The following RBM26 variants were observed in gnomAD, a reference collection of about 807,000 sequenced individuals.
RBM26 encodes RNA-binding protein 26.
Under a neutral mutation model 123.6 loss-of-function variants are expected in RBM26, and 30 were observed. The ratio of observed to expected loss-of-function variants is 0.24; its 90% CI spans 0.18 to 0.33. The LOEUF is 0.33. RBM26 is among the 10% of genes least tolerant of loss of function. The probability of loss-of-function intolerance (pLI) is 1.00; values close to 1 mark genes in which losing one functional copy is unlikely to be tolerated. For missense variants in RBM26, 947 were observed against 1,203.6 expected, an observed-to-expected ratio of 0.79 and a Z score of 3.15; for synonymous variants, 400 against 404.4, an observed-to-expected ratio of 0.99 and a Z score of 0.13.
At chr13:79,320,907 T>G (rs2067592761) in intron 21 of RBM26, among the ~76,000 whole-genome samples, 197 bp from the exon 22 acceptor site, 1 of 151,350 alleles carries the variant, frequency 6.6e-6, no homozygotes, top group Non-Finnish European at 1.5e-5. Flanking sequence ...TTCTATTGCT[T>G]GCATGAAACA....
chr13:79,396,025 G>A (rs2078530509), intron 1 of RBM26, among the ~76,000 whole-genome samples: 1 of 152,080 alleles, frequency 6.6e-6, no homozygotes, highest in South Asian at 2.1e-4. Context: ...AACACAGACA[G>A]ACAAGCCTAT....
exon 5 of RBM26, chr13:79,311,876 TAAAC>T (rs1175702357): frequency 5.9e-5 from 9 of 151,994 alleles, no homozygotes; most frequent in South Asian, 2.1e-4. Flanking sequence ...ATAAAAATAA[TAAAC>T]AATATGGATT....
intron 3 of RBM26, among the ~76,000 whole-genome samples, chr13:79,373,844 C>T (rs1252130790): frequency 2.7e-5 from 4 of 148,554 alleles, no homozygotes; most frequent in African/African-American, 9.9e-5. Flanking sequence ...AAGGTGCCTC[C>T]ATTCACATTA....
chr13:79,348,174 G>C (rs991895083), intron 14 of RBM26, among the ~76,000 whole-genome samples: 1 of 151,954 alleles, frequency 6.6e-6, no homozygotes, highest in African/African-American at 2.4e-5. Flanking sequence ...ATTTTCTCTA[G>C]GATATTTGTG....
rs1412521983 is a variant in RBM26 at position 79,406,002 on chromosome 13, G to C, written c.-228C>G. The C allele has an allele frequency of 6.4e-6, 2 of 310,700 alleles. No individual in the cohort carries two copies. The highest frequency in any genetic ancestry group is 2.2e-5 in the African/African-American group (1 of 45,442). The allele number at this position is 310,700 out of a possible 1,614,324, so 19.2% of individuals were successfully genotyped here. On this transcript the variant is annotated 5_prime_UTR_variant, in exon 1 of 22. Transcript: ENST00000438737. ...CTCCCCGTCCCCGGCCCCCAGCCCG[G>C]GCTGAAACAGCAACGGTTTGCCCGG...
intron 19 of RBM26, among the ~76,000 whole-genome samples, 156 bp downstream of exon 19, chr13:79,336,942 AGTTT>A (rs2070518762): frequency 1.3e-5 from 2 of 152,202 alleles, no homozygotes; most frequent in African/African-American, 2.4e-5. Flanking sequence ...CAAATCCTAC[AGTTT>A]GTTTTTAAAT....
In RBM26 at chr13:79,405,743, T is replaced by A. The variant is rs1460330786; in HGVS notation, c.32A>T (p.Glu11Val). ...CTTGCTGAGCCAGGACTTGAGTGCC[T>A]CGAAGTTTTCAATGATCATTTTAGA... MVSKMIIENF[E>V]ALKSWLSKTL... Residue 11 changes from glutamate to valine, a missense_variant, in exon 1 of 22, where the codon GAG becomes GTG. Physicochemically the swap from Glu to Val is moderately radical, Grantham distance 121. Around this residue, in one of 5 missense-constraint regions of RBM26, gnomAD observed 275 missense variants for 361.0 expected, o/e 0.76. Coordinates refer to ENST00000438737, the MANE Select transcript of RBM26 (RefSeq NM_001366735.2). 1 of 1,598,838 alleles carries A rather than the reference T, an allele frequency of 6.3e-7. No individual in the cohort carries two copies. The highest frequency in any genetic ancestry group is 1.4e-5 in the African/African-American group (1 of 73,866).
At chr13:79,336,984 T>C in intron 19 of RBM26, 118 bp downstream of exon 19, 2 of 923,368 alleles carry the variant, frequency 2.2e-6, no homozygotes, top group Non-Finnish European at 3.3e-6. Context: ...ATTAAACTCT[T>C]TGTTCAGATT....
chr13:79,366,259 A>T (rs1227972875), intron 7 of RBM26, 64 bp from the exon 8 acceptor site: 8 of 1,510,138 alleles, frequency 5.3e-6, no homozygotes, highest in Non-Finnish European at 6.3e-6. Context: ...GTTATTGCAC[A>T]TCCGAACATA....
At position 79,377,395 on chromosome 13, in the gene RBM26, T is replaced by A. The variant is rs1431019363; in HGVS notation, c.311A>T (p.Asp104Val). The change falls in exon 3 of 22, where the codon GAT (aspartate) becomes GTT (valine). Residue 104 changes from aspartate (D) to valine (V), a missense_variant. Asp to Val is a radical substitution (Grantham distance 152, BLOSUM62 -3). This residue lies in a region of RBM26 where 275 missense variants were observed against 361.0 expected (regional missense o/e 0.76). Coordinates refer to ENST00000438737, the MANE Select transcript of RBM26 (RefSeq NM_001366735.2). ...KVEFFPHQEK[D>V]IKKEEITKEE... ...AATCGTTACCTCTTCCTTCTTTATA[T>A]CTTTTTCTTGGTGTGGAAAAAATTC... 3 of 1,613,766 alleles carry A rather than the reference T, an allele frequency of 1.9e-6. No homozygotes were observed. Among genetic ancestry groups the A allele is most frequent in the Admixed American group, 3.3e-5 (2 of 60,030 alleles).
intron 19 of RBM26, among the ~76,000 whole-genome samples, chr13:79,335,142 TCCC>T (rs1301987528): frequency 6.6e-6 from 1 of 151,664 alleles, no homozygotes; most frequent in Non-Finnish European, 1.5e-5. Context: ...TTCCTAATTA[TCCC>T]CCCCAAAAAT....
At position 79,355,315 on chromosome 13, in the gene RBM26, T is replaced by A. The variant is rs1207599123; in HGVS notation, c.1759A>T (p.Ile587Leu). 1 of 1,613,966 alleles carries A rather than the reference T, an allele frequency of 6.2e-7. No homozygotes were observed. The change falls in exon 12 of 22, where the codon ATA becomes TTA. Residue 587 changes from isoleucine (I) to leucine (L), a missense_variant. Physicochemically the swap from Ile to Leu is conservative, Grantham distance 5. Around this residue, in one of 5 missense-constraint regions of RBM26, gnomAD observed 493 missense variants for 563.1 expected, o/e 0.88. Coordinates refer to ENST00000438737, the MANE Select transcript of RBM26 (RefSeq NM_001366735.2). ...TTTAATACTGCTTCCGTACTTGATATTGCTTTCTTTGCTTCTTCGTATGTT... is the reference window on the plus strand; with the variant it reads ...TTTAATACTGCTTCCGTACTTGATAATGCTTTCTTTGCTTCTTCGTATGTT... The part of the protein sequence containing the change: ...FATYEEAKKA[I>L]SSTEAVLNNR...
At chr13:79,398,076 A>C (rs2078749339) in intron 1 of RBM26, among the ~76,000 whole-genome samples, 1 of 152,232 alleles carries the variant, frequency 6.6e-6, no homozygotes, top group East Asian at 1.9e-4. Context: ...AAGTTACTGC[A>C]TGTAAATTGA....
At position 79,366,766 on chromosome 13, in the gene RBM26, C is replaced by T. The variant is rs142887844; in HGVS notation, c.1002G>A (p.Gln334=). 1 of 1,613,866 alleles carries T rather than the reference C, an allele frequency of 6.2e-7. No homozygotes were observed. Among genetic ancestry groups the T allele is most frequent in the South Asian group, 1.1e-5 (1 of 91,056 alleles). ...NLPGMLPFPA[Q]PPVVEGPPPP... The stretch of plus-strand genomic sequence containing the variant: ...GAGGTGGTCCTTCAACAACAGGAGG[C>T]TGTGCTGGGAAAGGCAGCATACCAG... The change falls in exon 7 of 22, where the codon CAG becomes CAA. Residue 334 remains glutamine (Q), a synonymous_variant. Coordinates refer to ENST00000438737, the MANE Select transcript of RBM26 (RefSeq NM_001366735.2).
intron 9 of RBM26, among the ~76,000 whole-genome samples, chr13:79,363,822 G>A (rs778991609): frequency 4.6e-5 from 7 of 152,146 alleles, no homozygotes; most frequent in Non-Finnish European, 8.8e-5. Flanking sequence ...GTAGTAGCAT[G>A]TATTTACAGC....
At chr13:79,367,762 C>G (rs1788064394) in intron 6 of RBM26, among the ~76,000 whole-genome samples, 1 of 152,088 alleles carries the variant, frequency 6.6e-6, no homozygotes, top group South Asian at 2.1e-4. Context: ...AAAGACACCT[C>G]TTTTCTTTAT....
intron 6 of RBM26, among the ~76,000 whole-genome samples, chr13:79,368,057 G>C (rs61151618): frequency 0.062 from 9,012 of 145,510 alleles, 536 homozygotes; most frequent in African/African-American, 0.15. Flanking sequence ...ACGGAGTCTC[G>C]CTCTGTCACC....
chr13:79,353,461 C>T (rs1223695610), intron 13 of RBM26, among the ~76,000 whole-genome samples: 4 of 152,076 alleles, frequency 2.6e-5, no homozygotes, highest in Admixed American at 6.6e-5. Flanking sequence ...GTCTGAGCCA[C>T]GTGGTTGCTA....
At chr13:79,365,988 A>T in intron 8 of RBM26, 67 bp downstream of exon 8, 1 of 1,473,210 alleles carries the variant, frequency 6.8e-7, no homozygotes, top group Non-Finnish European at 9.4e-7. Flanking sequence ...AATTCTCTCT[A>T]GACATTTTAA....
Sources: allele counts gnomAD v4.1 joint callset (sites outside exome capture counted in the v4.1 genomes callset), GRCh38; gene constraint gnomAD v4.1.1; regional missense constraint gnomAD v4.1.1; transcripts MANE v1.5; gene names NCBI Gene and HGNC (gene_info 2026-07-23, HGNC 2026-07-21).